NKAIN1: variants seen among roughly 807,000 people sequenced by gnomAD.
NKAIN1 encodes the protein sodium/potassium transporting ATPase interacting 1.
In NKAIN1, 13 loss-of-function variants were observed where a neutral mutation model predicts 31.6. The ratio of observed to expected loss-of-function variants is 0.41; its 90% confidence interval spans 0.27 to 0.65. The LOEUF is 0.65. Among genes scored for constraint, NKAIN1 ranks in the 30% least tolerant of loss-of-function variants. NKAIN1 has a pLI of 0.30. For missense variants in NKAIN1, 193 were observed against 262.2 expected (o/e 0.74, Z 1.82); for synonymous variants, 104 against 109.0 (o/e 0.95, Z 0.28).
chr1:31,230,875 GTTA>G (rs1399158774), intron 1 of NKAIN1, among the ~76,000 whole-genome samples: 3 of 123,888 alleles, frequency 2.4e-5, no homozygotes, highest in Admixed American at 1.1e-4. Flanking sequence ...TACTCTTTGG[GTTA>G]TTTTTTTTTT....
chr1:31,182,629 T>G lies in NKAIN1; in HGVS notation c.472-39A>C, dbSNP rs572205922. ...TGACACGTCAGGGAGGAAGGAGGAG[T>G]GGGAACCTCTTCCTCCGCCCCCTGC... is the stretch of plus-strand genomic sequence containing the variant. On this transcript the variant is annotated intron_variant, in intron 4 of 6. Transcript: ENST00000373736. 5.0e-6 allele frequency: 8 copies of G among 1,608,774 alleles called. No individual in the cohort carries two copies. The African/African-American group carries it at 9.4e-5, about 19-fold the overall frequency.
At chr1:31,227,498 G>C (rs1043252573) in intron 1 of NKAIN1, among the ~76,000 whole-genome samples, 1 of 152,198 alleles carries the variant, frequency 6.6e-6, no homozygotes, top group African/African-American at 2.4e-5. Flanking sequence ...GAGGATGAAT[G>C]AGCCACTCCA....
intron 1 of NKAIN1, among the ~76,000 whole-genome samples, chr1:31,237,319 T>C (rs1645699598): frequency 1.3e-5 from 2 of 152,122 alleles, no homozygotes; most frequent in Admixed American, 1.3e-4. Context: ...TCTGGACAAG[T>C]TACTTCATAG....
At position 31,239,284 on chromosome 1, in the gene NKAIN1, C is replaced by G. The variant is rs1351485883; in HGVS notation, c.54+210G>C. 1.3e-5 allele frequency among the ~76,000 whole-genome samples: 2 copies of G among 152,226 alleles called. No individual in the cohort carries two copies. Among genetic ancestry groups the G allele is most frequent in the Middle Eastern group, 3.4e-3 (1 of 294 alleles). Reference sequence around the variant, plus strand: ...ACGCACTTGGGGACCGGAGGAGCGCCGGGCACAGCAGCGAGAAGCGCACAC... The same window carrying G: ...ACGCACTTGGGGACCGGAGGAGCGCGGGGCACAGCAGCGAGAAGCGCACAC... On this transcript the variant is annotated intron_variant, in intron 1 of 6. Coordinates refer to ENST00000373736, the MANE Select transcript of NKAIN1 (RefSeq NM_024522.3). This position sits in a 1 kb window ranked among gnomAD's most constrained non-coding sequence, Gnocchi z 4.8.
intron 1 of NKAIN1, among the ~76,000 whole-genome samples, chr1:31,224,014 G>A (rs1371040661): frequency 6.6e-6 from 1 of 152,206 alleles, no homozygotes; most frequent in Admixed American, 6.5e-5. Context: ...CAGTATGCAA[G>A]ACAGACAGCT....
At chr1:31,232,580 C>T (rs1038129686) in intron 1 of NKAIN1, among the ~76,000 whole-genome samples, 2 of 150,620 alleles carry the variant, frequency 1.3e-5, no homozygotes, top group Non-Finnish European at 3.0e-5. Context: ...TGAGCCACCG[C>T]ACCTGGCCTG....
intron 1 of NKAIN1, among the ~76,000 whole-genome samples, chr1:31,218,016 TTTTCTTTCTTTC>T (rs1553163596): frequency 2.1e-3 from 228 of 108,238 alleles, no homozygotes; most frequent in African/African-American, 5.7e-3. Flanking sequence ...GCAGCTACCA[TTTTCTTTCTTTC>T]TTTCTTTCTT....
chr1:31,186,362 C>CAA (rs543332474), intron 2 of NKAIN1, among the ~76,000 whole-genome samples: 34 of 72,538 alleles, frequency 4.7e-4, no homozygotes, highest in East Asian at 1.5e-3. Flanking sequence ...AACTCCGTCT[C>CAA]AAAAAAAAAA....
At chr1:31,189,028 A>C (rs951892651) in intron 1 of NKAIN1, among the ~76,000 whole-genome samples, 3 of 136,606 alleles carry the variant, frequency 2.2e-5, no homozygotes, top group African/African-American at 6.2e-5. Context: ...AAAGAAAAGA[A>C]AAAAAAAAAA....
At chr1:31,194,930 C>T (rs1024578339) in intron 1 of NKAIN1, among the ~76,000 whole-genome samples, 2 of 151,506 alleles carry the variant, frequency 1.3e-5, no homozygotes, top group Non-Finnish European at 1.5e-5. Flanking sequence ...TGCCACCATG[C>T]CCAGCTAATT....
At chr1:31,232,412 TATATATATATATAGAGAGAG>T (rs1382551018) in intron 1 of NKAIN1, among the ~76,000 whole-genome samples, 2 of 32,780 alleles carry the variant, frequency 6.1e-5, no homozygotes, top group East Asian at 3.1e-3. Flanking sequence ...TATATATATA[TATATATATATATAGAGAGAG>T]AGAGAGAGAG....
At chr1:31,186,379 TC>T (rs1645243903) in intron 2 of NKAIN1, among the ~76,000 whole-genome samples, 1 of 134,524 alleles carries the variant, frequency 7.4e-6, no homozygotes, top group African/African-American at 2.7e-5. Flanking sequence ...AAAAAAAAAG[TC>T]TTAATTCTTT....
Position 31,239,811 on chromosome 1 carries a change from C to G in NKAIN1, c.-264G>C, listed in dbSNP as rs540562590. On this transcript the variant is annotated 5_prime_UTR_variant, in exon 1 of 7. Transcript: ENST00000373736. The surrounding 1 kb of genome is among the most constrained non-coding windows in gnomAD (Gnocchi z 4.8). The stretch of plus-strand genomic sequence containing the variant: ...AGCGGGCCGTCCGTCAGGCGCGCCT[C>G]CTGCCCCGGGGCGGCTGGCGGGGAG... Among the ~76,000 whole-genome samples, 1 of 151,914 alleles carries G rather than the reference C, an allele frequency of 6.6e-6. No homozygotes were observed. The highest frequency in any genetic ancestry group is 2.4e-5 in the African/African-American group (1 of 41,412).
intron 2 of NKAIN1, among the ~76,000 whole-genome samples, chr1:31,187,711 T>C (rs987655115): frequency 7.9e-5 from 12 of 151,988 alleles, no homozygotes; most frequent in African/African-American, 2.9e-4. Context: ...ATCTGGAAAA[T>C]GGAGCTGTTA....
chr1:31,210,329 C>T (rs960153998), intron 1 of NKAIN1, among the ~76,000 whole-genome samples: 7 of 151,366 alleles, frequency 4.6e-5, no homozygotes, highest in African/African-American at 1.5e-4. Context: ...CACTCTGTCG[C>T]CCAGGCTGGA....
At chr1:31,230,478 G>A (rs1020316289) in intron 1 of NKAIN1, among the ~76,000 whole-genome samples, 1 of 152,184 alleles carries the variant, frequency 6.6e-6, no homozygotes, top group African/African-American at 2.4e-5. Flanking sequence ...GGAGGCCAAT[G>A]TAAATCAGGA....
At position 31,233,923 on chromosome 1, in the gene NKAIN1, C is replaced by G. The variant is rs1008730232; in HGVS notation, c.54+5571G>C. ...ACTTCCTGGGAGTCACAAAGCAAGGCCTGATCCCAGATGTAGTGCTCCTAG... is the reference window on the plus strand; with the variant it reads ...ACTTCCTGGGAGTCACAAAGCAAGGGCTGATCCCAGATGTAGTGCTCCTAG... On this transcript the variant is annotated intron_variant, in intron 1 of 6. Coordinates refer to ENST00000373736, the MANE Select transcript of NKAIN1 (RefSeq NM_024522.3). This position sits in a 1 kb window ranked among gnomAD's most constrained non-coding sequence, Gnocchi z 4.0. Among the ~76,000 whole-genome samples, 3 of 152,322 alleles carry G rather than the reference C, an allele frequency of 2.0e-5. No individual in the cohort carries two copies. Among genetic ancestry groups the G allele is most frequent in the Admixed American group, 6.5e-5 (1 of 15,300 alleles).
chr1:31,229,822 A>C (rs896322534), intron 1 of NKAIN1, among the ~76,000 whole-genome samples: 3 of 152,134 alleles, frequency 2.0e-5, no homozygotes, highest in Non-Finnish European at 4.4e-5. Flanking sequence ...GAAGAGAAGG[A>C]GCTCATTACT....
At chr1:31,193,593 G>A (rs1452922148) in intron 1 of NKAIN1, among the ~76,000 whole-genome samples, 1 of 151,974 alleles carries the variant, frequency 6.6e-6, no homozygotes, top group African/African-American at 2.4e-5. Flanking sequence ...CTACTCAGGA[G>A]GCTGAGGCAG....
Sources: allele counts gnomAD v4.1 joint callset (sites outside exome capture counted in the v4.1 genomes callset), GRCh38; gene constraint gnomAD v4.1.1; non-coding constraint Gnocchi (gnomAD v3.1); transcripts MANE v1.5; gene names NCBI Gene and HGNC (gene_info 2026-07-23, HGNC 2026-07-21).